The following KDM7A variants were observed in gnomAD, a reference collection of about 807,000 sequenced individuals.
KDM7A encodes lysine demethylase 7A, also known as lysine-specific demethylase 7A.
A neutral mutation model predicts 114.8 loss-of-function variants in KDM7A; 28 were observed. The observed-to-expected ratio is 0.24, with a 90% CI of 0.18 to 0.33. KDM7A has a LOEUF of 0.33. Ranked by LOEUF, KDM7A falls within the 10% of genes least tolerant of loss-of-function variation. The pLI is 1.00. For synonymous variants in KDM7A, 423 were observed against 397.8 expected (o/e 1.06, Z -0.75); for missense variants, 942 against 1,142.5 (o/e 0.82, Z 2.53).
intron 1 of KDM7A, among the ~76,000 whole-genome samples, chr7:140,166,341 T>C (rs1335750002): frequency 7.2e-6 from 1 of 139,746 alleles, no homozygotes; most frequent in African/African-American, 2.9e-5. Context: ...TTTCCTTTTT[T>C]TTTTTTTTTT....
At chr7:140,131,011 G>A (rs957040693) in intron 3 of KDM7A, among the ~76,000 whole-genome samples, 20 of 145,264 alleles carry the variant, frequency 1.4e-4, no homozygotes, top group African/African-American at 4.9e-4. Flanking sequence ...CCGCCACCAC[G>A]CCTGGCTAAT....
At chr7:140,102,745 T>C (rs1291286559) in intron 11 of KDM7A, among the ~76,000 whole-genome samples, 1 of 152,226 alleles carries the variant, frequency 6.6e-6, no homozygotes, top group Admixed American at 6.5e-5. Flanking sequence ...TAATACTTAC[T>C]GGTAGCCATT....
chr7:140,150,566 C>A (rs1484998533), intron 1 of KDM7A, among the ~76,000 whole-genome samples: 1 of 152,122 alleles, frequency 6.6e-6, no homozygotes, highest in East Asian at 1.9e-4. Flanking sequence ...GTATGCGATC[C>A]CCTCATCCCT....
At chr7:140,093,404 G>A (rs914489038) in intron 18 of KDM7A, among the ~76,000 whole-genome samples, 1 of 152,110 alleles carries the variant, frequency 6.6e-6, no homozygotes, top group African/African-American at 2.4e-5. Flanking sequence ...AGAACTAGAG[G>A]CAATATTTCT....
chr7:140,097,950 T>C (rs1173130010), intron 14 of KDM7A, among the ~76,000 whole-genome samples: 1 of 152,230 alleles, frequency 6.6e-6, no homozygotes, highest in East Asian at 1.9e-4. Flanking sequence ...AAACTAAAAT[T>C]AGCTATCAGA....
At chr7:140,103,430 A>G (rs140720302) in intron 11 of KDM7A, among the ~76,000 whole-genome samples, 2 of 150,640 alleles carry the variant, frequency 1.3e-5, no homozygotes, top group Non-Finnish European at 3.0e-5. Context: ...TGTCATTTAC[A>G]TTAGGATTTC....
Position 140,124,759 on chromosome 7 carries a change from T to G in KDM7A, c.913A>C (p.Lys305Gln). Residue 305 changes from lysine to glutamine, a missense_variant, in exon 7 of 20, where the codon AAG becomes CAG. Physicochemically the swap from Lys to Gln is moderately conservative, Grantham distance 53. Transcript: ENST00000397560. ...LWGEKIFYLI[K>Q]PTDENLARYE... Reference sequence around the variant, plus strand: ...CGTGCCAAATTTTCATCTGTTGGCTTTATTAAATAAAAAATCTTCTCACCC... The same window carrying G: ...CGTGCCAAATTTTCATCTGTTGGCTGTATTAAATAAAAAATCTTCTCACCC... The G allele has an allele frequency of 6.2e-7, 1 of 1,608,308 alleles. No homozygotes were observed.
chr7:140,115,204 C>T (rs1463136286), intron 9 of KDM7A, among the ~76,000 whole-genome samples: 1 of 151,152 alleles, frequency 6.6e-6, no homozygotes, highest in Non-Finnish European at 1.5e-5. Flanking sequence ...CCAGCCGCCC[C>T]GTCCGGGAGG....
chr7:140,110,155 T>C (rs775807463), intron 11 of KDM7A, among the ~76,000 whole-genome samples: 16 of 152,214 alleles, frequency 1.1e-4, no homozygotes, highest in Non-Finnish European at 2.1e-4. Context: ...AACTACTGTT[T>C]TACTTCCTAA....
At chr7:140,166,882 T>C (rs1448218555) in intron 1 of KDM7A, among the ~76,000 whole-genome samples, 1 of 152,168 alleles carries the variant, frequency 6.6e-6, no homozygotes, top group African/African-American at 2.4e-5. Context: ...CCCTAAGTGA[T>C]AATACAACTC....
chr7:140,176,542 A>C lies in KDM7A; in HGVS notation c.194+202T>G, dbSNP rs1354507952. 4.1e-5 allele frequency among the ~76,000 whole-genome samples: 6 copies of C among 146,208 alleles called. No homozygotes were observed. The highest frequency in any genetic ancestry group is 4.6e-5 in the Non-Finnish European group (3 of 65,814). ...CTCTTCGCCCGGGCCAGGCGAGCCC[A>C]CCGGCTCCCCTCTGGAGCCCGCCCG... On this transcript the variant is annotated intron_variant, in intron 1 of 19. Transcript: ENST00000397560. The surrounding 1 kb of genome is among the most constrained non-coding windows in gnomAD (Gnocchi z 4.4).
chr7:140,123,820 G>A lies in KDM7A; in HGVS notation c.1051+801C>T, dbSNP rs113345410. Among the ~76,000 whole-genome samples the A allele has an allele frequency of 3.0e-3, 452 of 152,256 alleles. 4 individuals are homozygous for A. Among genetic ancestry groups the A allele is most frequent in the African/African-American group, 9.5e-3 (395 of 41,540 alleles). ...ATGCCGGCCGGGCGTGGAGGCTCAC[G>A]CCTGTAATCCCAGTACTTTGGTGGG... On this transcript the variant is annotated intron_variant, in intron 7 of 19. Coordinates refer to ENST00000397560, the MANE Select transcript of KDM7A (RefSeq NM_030647.2).
Position 140,096,700 on chromosome 7 carries a change from C to A in KDM7A, c.2229G>T (p.Gly743=), listed in dbSNP as rs771419563. The part of the protein sequence containing the change: ...EAIQGMLSMA[G]LHYSTCLQRQ... ...TTTGTAAACACGTGGAATAGTGCAA[C>A]CCTGCCATAGACAGCATGCCCTGAA... Residue 743 remains glycine (G), a synonymous_variant, in exon 17 of 20, where the codon GGG becomes GGT. Coordinates refer to ENST00000397560, the MANE Select transcript of KDM7A (RefSeq NM_030647.2). The A allele has an allele frequency of 1.2e-6, 2 of 1,614,166 alleles. No homozygotes were observed. Among genetic ancestry groups the A allele is most frequent in the East Asian group, 4.5e-5 (2 of 44,874 alleles).
intron 1 of KDM7A, among the ~76,000 whole-genome samples, chr7:140,147,941 G>C (rs1002202470): frequency 1.3e-5 from 2 of 152,176 alleles, no homozygotes; most frequent in African/African-American, 2.4e-5. Flanking sequence ...GTTCCCCTGA[G>C]ATTAAGCAGG....
At chr7:140,148,452 C>A (rs1794363900) in intron 1 of KDM7A, among the ~76,000 whole-genome samples, 1 of 151,796 alleles carries the variant, frequency 6.6e-6, no homozygotes, top group Non-Finnish European at 1.5e-5. Flanking sequence ...ACAGTAACCC[C>A]CTCAAAGGAT....
In KDM7A at chr7:140,176,835, GC is replaced by G; in HGVS notation, c.102del (p.Pro36ArgfsTer13). 1.5e-6 allele frequency: 2 copies of G among 1,335,944 alleles called. No individual in the cohort carries two copies. The highest frequency in any genetic ancestry group is 1.8e-5 in the South Asian group (1 of 56,374). 82.8% of individuals were successfully genotyped at this position (1,335,944 alleles called of 1,614,324 possible). On this transcript the variant is annotated frameshift_variant, in exon 1 of 20. Coordinates refer to ENST00000397560, the MANE Select transcript of KDM7A (RefSeq NM_030647.2). LOFTEE classifies it high-confidence loss of function. The surrounding 1 kb of genome is among the most constrained non-coding windows in gnomAD (Gnocchi z 4.4). ...CGGCACACACAGTACACGGGCGGGG[GC>G]GGCGGAGGCGCCGAGGCCCGGCCGG... ...AAPGRASAPP[P>X]PPPVYCVCRQ...
chr7:140,123,510 G>A (rs1412092283), intron 7 of KDM7A, among the ~76,000 whole-genome samples: 1 of 152,136 alleles, frequency 6.6e-6, no homozygotes, highest in Admixed American at 6.5e-5. Flanking sequence ...CTTGGAACCA[G>A]AAGTACTCAG....
At chr7:140,095,904 A>C (rs1230000382) in intron 17 of KDM7A, among the ~76,000 whole-genome samples, 1 of 152,092 alleles carries the variant, frequency 6.6e-6, no homozygotes, top group Non-Finnish European at 1.5e-5. Context: ...AAATAATAAA[A>C]AAAATTATTT....
chr7:140,158,283 A>AC (rs1794481107), intron 1 of KDM7A, among the ~76,000 whole-genome samples: 1 of 152,184 alleles, frequency 6.6e-6, no homozygotes, highest in Non-Finnish European at 1.5e-5. Context: ...GGGCAGACAG[A>AC]GGGGGACCAG....
Sources: allele counts gnomAD v4.1 joint callset (sites outside exome capture counted in the v4.1 genomes callset), GRCh38; gene constraint gnomAD v4.1.1; non-coding constraint Gnocchi (gnomAD v3.1); transcripts MANE v1.5; gene names NCBI Gene and HGNC (gene_info 2026-07-23, HGNC 2026-07-21).